Variants in PFKFB3 observed in about 807,000 individuals in gnomAD.
The protein encoded by PFKFB3 is 6-phosphofructo-2-kinase/fructose-2,6-bisphosphatase 3.
Under a neutral mutation model 68.0 loss-of-function variants are expected in PFKFB3, and 33 were observed. That is an observed-to-expected ratio of 0.49 (90% CI 0.37 to 0.65). The LOEUF (loss-of-function observed/expected upper bound fraction) is 0.65. Among genes scored for constraint, PFKFB3 ranks in the 30% least tolerant of loss-of-function variants. The pLI is 0.00. For missense variants in PFKFB3, 586 were observed against 712.2 expected (o/e 0.82, Z 2.02); for synonymous variants, 315 against 288.2 (o/e 1.09, Z -0.94).
At chr10:6,302,432 A>G in the PFKFB3 span, among the ~76,000 whole-genome samples, 1 of 118,036 alleles carries the variant, frequency 8.5e-6, no homozygotes, top group African/African-American at 3.5e-5. Flanking sequence ...CCCAGGCTGG[A>G]GTGCAGTGGT....
upstream of PFKFB3, among the ~76,000 whole-genome samples, chr10:6,200,640 T>G (rs7085250): frequency 0.61 from 70,880 of 116,110 alleles, 21,357 homozygotes; most frequent in East Asian, 0.74. Context: ...ACTCCCAGTT[T>G]GCACTTAGAT....
chr10:6,319,311 A>G, the PFKFB3 span, among the ~76,000 whole-genome samples: 4 of 152,250 alleles, frequency 2.6e-5, no homozygotes, highest in Admixed American at 2.6e-4. Flanking sequence ...ACATATACAC[A>G]GTGGAATAGT....
chr10:6,320,717 G>A, the PFKFB3 span, among the ~76,000 whole-genome samples: 3 of 152,110 alleles, frequency 2.0e-5, no homozygotes, highest in African/African-American at 2.4e-5. Flanking sequence ...GAACCACCAC[G>A]CCTGGCCAGA....
At chr10:6,249,858 A>T (rs1846339686) in intron 14 of PFKFB3, among the ~76,000 whole-genome samples, 1 of 152,236 alleles carries the variant, frequency 6.6e-6, no homozygotes, top group African/African-American at 2.4e-5. Context: ...AAAAATGATA[A>T]GTATTTGAGG....
At chr10:6,223,825 C>T in intron 11 of PFKFB3, 133 bp from the exon 12 acceptor site, 2 of 755,342 alleles carry the variant, frequency 2.6e-6, no homozygotes, top group Non-Finnish European at 4.8e-6. Flanking sequence ...CCATGTTGGT[C>T]AGGCTGGTCT....
At chr10:6,286,988 C>T in the PFKFB3 span, among the ~76,000 whole-genome samples, 4 of 152,124 alleles carry the variant, frequency 2.6e-5, no homozygotes, top group East Asian at 1.9e-4. Flanking sequence ...TGAACAACTT[C>T]GCAGGTAGTG....
intron 1 of PFKFB3, among the ~76,000 whole-genome samples, chr10:6,180,082 C>T (rs1382267932): frequency 1.3e-5 from 2 of 151,808 alleles, no homozygotes; most frequent in African/African-American, 4.8e-5. Context: ...GTGGCGCTCG[C>T]GTGTAATCCC....
At chr10:6,209,993 C>T (rs985239066) in intron 1 of PFKFB3, among the ~76,000 whole-genome samples, 1 of 149,670 alleles carries the variant, frequency 6.7e-6, no homozygotes, top group Non-Finnish European at 1.5e-5. Context: ...ACCTTGTGAT[C>T]CGCCCGCCTC....
intron 11 of PFKFB3, among the ~76,000 whole-genome samples, 157 bp from the exon 12 acceptor site, chr10:6,223,801 G>C (rs1306560058): frequency 2.0e-5 from 3 of 152,176 alleles, no homozygotes; most frequent in Non-Finnish European, 4.4e-5. Flanking sequence ...ATTTTTAGTA[G>C]AGATGGGGTT....
upstream of PFKFB3, chr10:6,202,808 C>T: frequency 1.1e-6 from 1 of 884,950 alleles, no homozygotes; most frequent in Non-Finnish European, 1.4e-6. Flanking sequence ...CTTCCCGGCT[C>T]GCCCACCCTC....
intron 1 of PFKFB3, among the ~76,000 whole-genome samples, chr10:6,167,992 C>A (rs1320938566): frequency 6.6e-6 from 1 of 152,216 alleles, no homozygotes; most frequent in African/African-American, 2.4e-5. Context: ...GCTTCTTCAT[C>A]TGCGTCATCT....
intron 1 of PFKFB3, among the ~76,000 whole-genome samples, chr10:6,210,587 T>C (rs1197142980): frequency 8.3e-5 from 4 of 48,482 alleles, no homozygotes; most frequent in East Asian, 3.3e-4. Context: ...CTTGATAGTG[T>C]TTTTAATAGA....
intron 14 of PFKFB3, among the ~76,000 whole-genome samples, chr10:6,250,545 T>G (rs1347025159): frequency 6.9e-6 from 1 of 144,176 alleles, no homozygotes; most frequent in Non-Finnish European, 1.5e-5. Flanking sequence ...CACTCCAGCC[T>G]GGGCGACAGA....
At chr10:6,321,504 A>G in the PFKFB3 span, among the ~76,000 whole-genome samples, 2 of 152,090 alleles carry the variant, frequency 1.3e-5, no homozygotes, top group African/African-American at 4.8e-5. Flanking sequence ...TCCTTCCCTA[A>G]ACCCCAGCCA....
rs921303809 is a variant in PFKFB3 at position 6,222,917 on chromosome 10, T to C, written c.1146T>C (p.Asn382=). ...TCATGGAGCTGGAGCGGCAGGAGAA[T>C]GTGCTGGTCATCTGCCACCAGGCCG... ...PVIMELERQE[N]VLVICHQAVL... The change falls in exon 11 of 15, where the codon AAT becomes AAC. Residue 382 remains asparagine, a synonymous_variant. Coordinates refer to ENST00000379775, the MANE Select transcript of PFKFB3 (RefSeq NM_004566.4). 1 of 1,613,878 alleles carries C rather than the reference T, an allele frequency of 6.2e-7. No individual in the cohort carries two copies. Among genetic ancestry groups the C allele is most frequent in the South Asian group, 1.1e-5 (1 of 91,072 alleles).
chr10:6,179,222 C>T (rs1027411580), intron 1 of PFKFB3, among the ~76,000 whole-genome samples: 8 of 152,192 alleles, frequency 5.3e-5, no homozygotes, highest in Admixed American at 2.6e-4. Context: ...GGTCACACAG[C>T]GTGTGAGTCG....
intron 14 of PFKFB3, among the ~76,000 whole-genome samples, chr10:6,227,935 T>C (rs1330059383): frequency 1.3e-5 from 2 of 152,108 alleles, no homozygotes; most frequent in African/African-American, 4.8e-5. Flanking sequence ...GCTTTGATGC[T>C]TGGGGGGACC....
chr10:6,230,033 G>A (rs913166759), intron 14 of PFKFB3, among the ~76,000 whole-genome samples: 5 of 152,176 alleles, frequency 3.3e-5, no homozygotes, highest in Admixed American at 6.5e-5. Flanking sequence ...CGTTAGACAC[G>A]TGGCCTCATG....
the PFKFB3 span, among the ~76,000 whole-genome samples, chr10:6,301,922 G>A: frequency 1.3e-5 from 2 of 152,148 alleles, no homozygotes; most frequent in African/African-American, 4.8e-5. Context: ...AACCTCGTAA[G>A]TTCCCCACCA....
Sources: gnomAD v4.1 joint callset for allele counts (sites outside exome capture counted in the v4.1 genomes callset) on GRCh38, gnomAD v4.1.1 for gene constraint, MANE v1.5 for transcripts, NCBI Gene and HGNC (gene_info 2026-07-23, HGNC 2026-07-21) for gene names.